Variants in GALNT9 observed in about 807,000 individuals in gnomAD.
The protein encoded by GALNT9 is GalNAc transferase 9.
In GALNT9, 47 loss-of-function variants were observed where a neutral mutation model predicts 63.1. The ratio of observed to expected loss-of-function variants is 0.75; its 90% CI spans 0.59 to 0.95. The LOEUF (loss-of-function observed/expected upper bound fraction) is 0.95, where lower values mean the gene tolerates loss of function less well. GALNT9 is among the 40% of genes least tolerant of loss of function. The pLI, the probability that GALNT9 is intolerant of heterozygous loss-of-function variation, is 0.00. For missense variants in GALNT9, 829 were observed against 874.8 expected (o/e 0.95, Z 0.66); for synonymous variants, 396 against 365.7 (o/e 1.08, Z -0.94).
chr12:132,201,702 G>A (rs923403228), intron 7 of GALNT9, among the ~76,000 whole-genome samples: 8 of 152,206 alleles, frequency 5.3e-5, no homozygotes, highest in East Asian at 3.9e-4. Context: ...GGCTGGCCCC[G>A]CCTGGCACGT....
chr12:132,257,924 C>T (rs1879203446), intron 4 of GALNT9, 38 bp from the exon 5 acceptor site: 1 of 1,381,784 alleles, frequency 7.2e-7, no homozygotes, highest in African/African-American at 1.4e-5. Context: ...CGGCCCCAGC[C>T]CACCGCATTC....
rs202124566 is a variant in GALNT9, at chr12:132,203,606, C to T, written c.1162G>A (p.Asp388Asn). ...IERTRKPYNN[D>N]IDYYAKRNAL... ...TTGCGCTTGGCATAGTAGTCAATGT[C>T]GTTGTTGTAGGGCTTCCTGGTGCGC... is the stretch of plus-strand genomic sequence containing the variant. Residue 388 changes from aspartate (D) to asparagine (N), a missense_variant, in exon 7 of 11, where the codon GAC (aspartate) becomes AAC (asparagine). Transcript: ENST00000328957. 3.7e-6 allele frequency: 6 copies of T among 1,613,778 alleles called. No homozygotes were observed. The African/African-American group carries it at 4.0e-5, about 11-fold the overall frequency.
intron 1 of GALNT9, among the ~76,000 whole-genome samples, chr12:132,301,396 T>TC (rs1881290946): frequency 6.6e-6 from 1 of 152,244 alleles, no homozygotes; most frequent in Non-Finnish European, 1.5e-5. Context: ...AGTGCTGCTG[T>TC]GGTGGGCACG....
intron 6 of GALNT9, among the ~76,000 whole-genome samples, chr12:132,207,420 C>T (rs375661835): frequency 3.3e-5 from 5 of 152,202 alleles, no homozygotes; most frequent in East Asian, 1.9e-4. Context: ...CCTTCTGTGG[C>T]GCTGGGGCGA....
chr12:132,210,918 C>G (rs915092367), intron 6 of GALNT9, among the ~76,000 whole-genome samples: 2 of 151,724 alleles, frequency 1.3e-5, no homozygotes, highest in Non-Finnish European at 2.9e-5. Flanking sequence ...GTCTGGTGGT[C>G]GGCTGCCGGC....
intron 1 of GALNT9, among the ~76,000 whole-genome samples, chr12:132,293,052 G>A (rs1012601553): frequency 2.6e-5 from 4 of 152,292 alleles, no homozygotes; most frequent in South Asian, 4.1e-4. Context: ...TGGGAGTGGC[G>A]GGGCCAGGGC....
At chr12:132,312,264 A>G (rs1881840694) in intron 1 of GALNT9, among the ~76,000 whole-genome samples, 2 of 152,244 alleles carry the variant, frequency 1.3e-5, no homozygotes, top group African/African-American at 4.8e-5. Flanking sequence ...GAATATGAAT[A>G]TTTATGGGGC....
intron 4 of GALNT9, among the ~76,000 whole-genome samples, chr12:132,259,455 G>A (rs528419387): frequency 5.9e-5 from 9 of 152,344 alleles, no homozygotes; most frequent in South Asian, 2.1e-4. Context: ...GATAAACATC[G>A]AGGGAAAGGA....
chr12:132,325,185 G>A (rs1246372664), intron 1 of GALNT9, among the ~76,000 whole-genome samples: 2 of 152,216 alleles, frequency 1.3e-5, no homozygotes, highest in Admixed American at 6.5e-5. Context: ...CTGTTCCCAC[G>A]GCACTCAGTC....
At chr12:132,288,751 G>A (rs921524709) in intron 1 of GALNT9, among the ~76,000 whole-genome samples, 5 of 150,634 alleles carry the variant, frequency 3.3e-5, no homozygotes, top group Admixed American at 6.6e-5. Flanking sequence ...TTGGGGGCAG[G>A]AGGGTGGCTG....
chr12:132,267,771 T>TCACACACGCACG (rs1879668426), intron 2 of GALNT9, among the ~76,000 whole-genome samples: 1 of 124,084 alleles, frequency 8.1e-6, no homozygotes, highest in African/African-American at 3.8e-5. Flanking sequence ...ACACATGCAC[T>TCACACACGCACG]CACACACACG....
chr12:132,260,032 T>TG (rs58088480), intron 4 of GALNT9, among the ~76,000 whole-genome samples: 1,921 of 17,662 alleles, frequency 0.11, 119 homozygotes, highest in South Asian at 0.17. Context: ...GCGCGGGGCC[T>TG]GCCTGGGTGC....
rs138584189 is a variant in GALNT9 at position 132,220,303 on chromosome 12, A to G, written c.1078-16613T>C. Reference sequence around the variant, plus strand: ...GAGGAAATCCAATTCTAGGAGCGTCAGCCAAGAAATCCAACAAAATTGGTG... The same window carrying G: ...GAGGAAATCCAATTCTAGGAGCGTCGGCCAAGAAATCCAACAAAATTGGTG... On this transcript the variant is annotated intron_variant, in intron 6 of 10. Transcript: ENST00000328957. Among the ~76,000 whole-genome samples, 194 of 152,360 alleles carry G rather than the reference A, an allele frequency of 1.3e-3. 1 individual carries two copies. Among genetic ancestry groups the G allele is most frequent in the African/African-American group, 4.3e-3 (179 of 41,582 alleles).
chr12:132,287,152 C>T (rs775131382), intron 1 of GALNT9, among the ~76,000 whole-genome samples: 5 of 150,960 alleles, frequency 3.3e-5, no homozygotes, highest in African/African-American at 7.3e-5. Flanking sequence ...CACTCACGCA[C>T]GCCAGCCCCC....
intron 6 of GALNT9, among the ~76,000 whole-genome samples, chr12:132,240,040 A>G (rs2136897732): frequency 0.03 from 4,584 of 152,256 alleles, 224 homozygotes; most frequent in African/African-American, 0.1. Flanking sequence ...CGCTCTAAAC[A>G]CAGGAAGATC....
chr12:132,248,910 G>A lies in GALNT9; in HGVS notation c.960-883C>T, dbSNP rs140750757. Among the ~76,000 whole-genome samples the A allele has an allele frequency of 9.3e-3, 1,411 of 152,232 alleles. 12 individuals are homozygous for A. The highest frequency in any genetic ancestry group is 0.015 in the Non-Finnish European group (1,051 of 67,996). On this transcript the variant is annotated intron_variant, in intron 5 of 10. Coordinates refer to ENST00000328957, the MANE Select transcript of GALNT9 (RefSeq NM_001122636.2). ...GACAGCAGTGGTGAAGGCAGGATCC[G>A]CGGAGCAGTGAAGGCAGGATCTGCG...
At chr12:132,268,758 C>T (rs1382379152) in intron 2 of GALNT9, among the ~76,000 whole-genome samples, 1 of 152,240 alleles carries the variant, frequency 6.6e-6, no homozygotes, top group East Asian at 1.9e-4. Flanking sequence ...GACGCCCAAG[C>T]AGCCATCAAG....
At chr12:132,268,041 A>AC (rs1334514320) in intron 2 of GALNT9, among the ~76,000 whole-genome samples, 1 of 151,244 alleles carries the variant, frequency 6.6e-6, no homozygotes, top group East Asian at 2.0e-4. Context: ...ACACACATGC[A>AC]CACAAACCCA....
rs1204142300 is a variant in GALNT9 at position 132,286,165 on chromosome 12, G to C, written c.419+85C>G. 1.7e-5 allele frequency: 24 copies of C among 1,395,390 alleles called. No homozygotes were observed. The highest frequency in any genetic ancestry group is 2.2e-5 in the Non-Finnish European group (23 of 1,055,918). The allele number at this position is 1,395,390 out of a possible 1,614,324, so 86.4% of individuals were successfully genotyped here. A position where few individuals can be genotyped will look rare whatever the true frequency, so the allele number is the denominator to read the frequency against. On this transcript the variant is annotated intron_variant, in intron 2 of 10. Transcript: ENST00000328957. The surrounding 1 kb of genome is among the most constrained non-coding windows in gnomAD (Gnocchi z 7.4). ...GGCCGCTCACTTCCCCGGCCGGCGT[G>C]GGGGGCAGTCACTTCCCTGGCCAGT...
Sources: allele counts gnomAD v4.1 joint callset (sites outside exome capture counted in the v4.1 genomes callset), GRCh38; gene constraint gnomAD v4.1.1; non-coding constraint Gnocchi (gnomAD v3.1); transcripts MANE v1.5; gene names NCBI Gene and HGNC (gene_info 2026-07-23, HGNC 2026-07-21).